Variants in NTRK2 observed in about 807,000 individuals in gnomAD.
The protein encoded by NTRK2 is neurotrophic receptor tyrosine kinase 2.
A neutral mutation model predicts 94.5 loss-of-function variants in NTRK2; 13 were observed. The observed-to-expected ratio is 0.14, with a 90% CI of 0.09 to 0.22. The LOEUF is 0.22. Ranked by LOEUF, NTRK2 falls within the 10% of genes least tolerant of loss-of-function variation. NTRK2 has a pLI of 1.00. For missense variants in NTRK2, 639 were observed against 1,071.2 expected (o/e 0.60, Z 5.63); for synonymous variants, 372 against 407.4 (o/e 0.91, Z 1.05).
At chr9:84,860,954 G>A (rs1294274287) in intron 12 of NTRK2, 86 bp from the exon 13 acceptor site, 4 of 734,266 alleles carry the variant, frequency 5.4e-6, no homozygotes, top group Non-Finnish European at 9.1e-6. Context: ...GGAGTTTGTT[G>A]CATTATTTGA....
intron 17 of NTRK2, among the ~76,000 whole-genome samples, chr9:84,961,899 G>T (rs1319021393): frequency 1.3e-5 from 2 of 152,216 alleles, no homozygotes; most frequent in Non-Finnish European, 2.9e-5. Context: ...TTGCAAGGAG[G>T]CCCTAGGCCA....
chr9:84,679,379 T>G (rs577288316), intron 2 of NTRK2, among the ~76,000 whole-genome samples: 17 of 152,324 alleles, frequency 1.1e-4, no homozygotes, highest in African/African-American at 4.1e-4. Context: ...TAAAGAAATC[T>G]TGACTTGTGT....
At chr9:84,765,760 G>C (rs2065970124) in intron 12 of NTRK2, among the ~76,000 whole-genome samples, 1 of 152,094 alleles carries the variant, frequency 6.6e-6, no homozygotes, top group African/African-American at 2.4e-5. Context: ...TAACAAGAGA[G>C]TTTTAGGAGG....
chr9:84,914,288 C>A (rs1564459201), intron 14 of NTRK2, among the ~76,000 whole-genome samples: 1 of 152,028 alleles, frequency 6.6e-6, no homozygotes, highest in Non-Finnish European at 1.5e-5. Context: ...CTTTAAAAAT[C>A]CCTGTCATAT....
At chr9:84,728,108 G>A (rs1175933032) in intron 9 of NTRK2, 149 bp downstream of exon 9, 1 of 767,092 alleles carries the variant, frequency 1.3e-6, no homozygotes, top group Non-Finnish European at 2.2e-6. Context: ...GGTCAGCGGA[G>A]TGGTTTTATT....
chr9:84,852,232 C>A (rs1469708121), intron 12 of NTRK2, among the ~76,000 whole-genome samples: 1 of 152,202 alleles, frequency 6.6e-6, no homozygotes, highest in African/African-American at 2.4e-5. Flanking sequence ...AATCAGCCAG[C>A]TTCCTCCGCA....
intron 6 of NTRK2, among the ~76,000 whole-genome samples, chr9:84,717,554 C>A (rs2061778362): frequency 6.6e-6 from 1 of 152,180 alleles, no homozygotes; most frequent in Non-Finnish European, 1.5e-5. Flanking sequence ...AGGGCCAACC[C>A]CACTGACTAG....
At chr9:84,860,500 TC>T (rs2075282818) in intron 12 of NTRK2, among the ~76,000 whole-genome samples, 1 of 152,152 alleles carries the variant, frequency 6.6e-6, no homozygotes, top group African/African-American at 2.4e-5. Flanking sequence ...GTGTCTACTC[TC>T]CCACGGGATT....
At chr9:84,824,020 A>G (rs1482010434) in intron 12 of NTRK2, among the ~76,000 whole-genome samples, 1 of 152,164 alleles carries the variant, frequency 6.6e-6, no homozygotes, top group East Asian at 1.9e-4. Flanking sequence ...GCTAAGCAGG[A>G]GTATGATTTG....
intron 12 of NTRK2, among the ~76,000 whole-genome samples, chr9:84,840,024 T>TTCC (rs917410644): frequency 2.0e-5 from 3 of 151,982 alleles, no homozygotes; most frequent in Non-Finnish European, 4.4e-5. Context: ...TTTCCCTTTC[T>TTCC]TCCTCCTCCT....
intron 12 of NTRK2, among the ~76,000 whole-genome samples, chr9:84,784,108 C>T (rs1248523053): frequency 1.3e-5 from 2 of 152,080 alleles, no homozygotes; most frequent in African/African-American, 2.4e-5. Flanking sequence ...AGCTGTATGG[C>T]CTGAGGGAAA....
In NTRK2 at chr9:84,796,134, G is replaced by A. The variant is rs542793893; in HGVS notation, c.1396+44049G>A. Among the ~76,000 whole-genome samples the A allele has an allele frequency of 7.9e-5, 12 of 151,944 alleles. No individual in the cohort carries two copies. In the East Asian group the frequency reaches 9.7e-4, roughly 12 times the overall value. ...CCACTTAAACAGATAGGTTTTTTTC[G>A]CACAGCAAGAATTCTGGGATCCAGG... On this transcript the variant is annotated intron_variant, in intron 12 of 18. Coordinates refer to ENST00000277120, the MANE Select transcript of NTRK2 (RefSeq NM_006180.6).
At chr9:84,897,476 G>A (rs2076793340) in intron 14 of NTRK2, among the ~76,000 whole-genome samples, 1 of 152,164 alleles carries the variant, frequency 6.6e-6, no homozygotes, top group African/African-American at 2.4e-5. Context: ...CTTCCCCCAG[G>A]GGTTCCCCCT....
chr9:84,960,769 A>G (rs535950336), intron 17 of NTRK2, among the ~76,000 whole-genome samples: 22 of 152,360 alleles, frequency 1.4e-4, no homozygotes, highest in Admixed American at 5.9e-4. Flanking sequence ...AGTACCTTGC[A>G]TCAAGGAAAC....
Position 84,707,903 on chromosome 9 carries a change from T to C in NTRK2, c.419T>C (p.Leu140Ser). 1.2e-6 allele frequency: 2 copies of C among 1,612,406 alleles called. No individual in the cohort carries two copies. The highest frequency in any genetic ancestry group is 2.2e-5 in the South Asian group (2 of 90,932). The change falls in exon 5 of 19, where the codon TTG (leucine) becomes TCG (serine). Residue 140 changes from leucine (L) to serine (S), a missense_variant. This residue lies in a region of NTRK2 where 206 missense variants were observed against 251.5 expected (regional missense o/e 0.82). Coordinates refer to ENST00000277120, the MANE Select transcript of NTRK2 (RefSeq NM_006180.6). The stretch of plus-strand genomic sequence containing the variant: ...AGGAAACATTTCCGTCACCTTGACT[T>C]GTCTGAACTGTAAGTAATGATTTTG... ...LSRKHFRHLDLSELILVGNPF... is the reference protein window; with the variant it reads ...LSRKHFRHLDSSELILVGNPF...
chr9:84,936,829 A>G (rs2078228584), intron 15 of NTRK2, among the ~76,000 whole-genome samples: 1 of 152,212 alleles, frequency 6.6e-6, no homozygotes, highest in South Asian at 2.1e-4. Flanking sequence ...CACAAACTTA[A>G]GAAGTCTCAT....
At chr9:84,788,264 G>T (rs1448119717) in intron 12 of NTRK2, among the ~76,000 whole-genome samples, 1 of 152,058 alleles carries the variant, frequency 6.6e-6, no homozygotes, top group Non-Finnish European at 1.5e-5. Context: ...TAAAAATTGG[G>T]AAAATAGGAG....
chr9:84,833,264 A>T (rs1446830280), intron 12 of NTRK2, among the ~76,000 whole-genome samples: 1 of 151,624 alleles, frequency 6.6e-6, no homozygotes, highest in South Asian at 2.1e-4. Flanking sequence ...TTTTTAAAAT[A>T]TCCATGCCTG....
In NTRK2 at chr9:85,022,978, G is replaced by A. The variant is rs1469927510; in HGVS notation, c.*1541G>A. On this transcript the variant is annotated 3_prime_UTR_variant, in exon 19 of 19. Transcript: ENST00000277120. ...GCTCTGGGCTCTAGTTGGGAGAGTG[G>A]TTTCATTCCAAGTGTACTCCATTGT... 4.3e-6 allele frequency: 1 copy of A among 233,014 alleles called. No individual in the cohort carries two copies. The highest frequency in any genetic ancestry group is 8.5e-6 in the Non-Finnish European group (1 of 118,016). 14.4% of individuals were successfully genotyped at this position (233,014 alleles called of 1,614,324 possible).
Sources: allele counts gnomAD v4.1 joint callset (sites outside exome capture counted in the v4.1 genomes callset), GRCh38; gene constraint gnomAD v4.1.1; regional missense constraint gnomAD v4.1.1; transcripts MANE v1.5; gene names NCBI Gene and HGNC (gene_info 2026-07-23, HGNC 2026-07-21).